Variants in TNIP1 observed in about 807,000 individuals in gnomAD.
TNIP1 encodes TNFAIP3 interacting protein 1, also known as TNFAIP3-interacting protein 1.
Under a neutral mutation model 86.6 loss-of-function variants are expected in TNIP1, and 22 were observed. The ratio of observed to expected loss-of-function variants is 0.25; its 90% confidence interval spans 0.18 to 0.36. The LOEUF is 0.36. TNIP1 is among the 10% of genes least tolerant of loss of function. The pLI is 1.00. For missense variants in TNIP1, 709 were observed against 820.6 expected, an observed-to-expected ratio of 0.86 and a Z score of 1.66; for synonymous variants, 294 against 313.0, an observed-to-expected ratio of 0.94 and a Z score of 0.64.
At chr5:151,059,828 A>AGAGAGAGAGAGAGT (rs1554076446) in intron 5 of TNIP1, among the ~76,000 whole-genome samples, 42 of 56,362 alleles carry the variant, frequency 7.5e-4, no homozygotes, top group Admixed American at 1.5e-3. Flanking sequence ...AGAGAGAGAG[A>AGAGAGAGAGAGAGT]GTGTGTGTGT....
intron 1 of TNIP1, among the ~76,000 whole-genome samples, chr5:151,072,630 T>A (rs1762941892): frequency 6.6e-6 from 1 of 152,202 alleles, no homozygotes; most frequent in African/African-American, 2.4e-5. Flanking sequence ...ATTTGGAACC[T>A]GCAGCCTTCT....
At chr5:151,046,869 TGGG>T (rs1740435504) in intron 8 of TNIP1, among the ~76,000 whole-genome samples, 1 of 152,100 alleles carries the variant, frequency 6.6e-6, no homozygotes, top group African/African-American at 2.4e-5. Flanking sequence ...AATAAATAAA[TGGG>T]GGAGAAGGGA....
At chr5:151,055,431 C>A (rs1039218396) in intron 6 of TNIP1, among the ~76,000 whole-genome samples, 1 of 152,166 alleles carries the variant, frequency 6.6e-6, no homozygotes, top group Admixed American at 6.5e-5. Flanking sequence ...CACCTTCCTA[C>A]CCTGCCCACA....
At chr5:151,081,594 A>T (rs1421933117), upstream of TNIP1, among the ~76,000 whole-genome samples, 3 of 152,226 alleles carry the variant, frequency 2.0e-5, no homozygotes, top group Admixed American at 6.5e-5. Context: ...GGATTCCCAG[A>T]CATCGTAAAC....
chr5:151,081,471 A>T (rs957026759), upstream of TNIP1, among the ~76,000 whole-genome samples: 2 of 152,200 alleles, frequency 1.3e-5, no homozygotes, highest in Non-Finnish European at 2.9e-5. Flanking sequence ...TCAGGCCCCC[A>T]GAGTTCCGTC....
At chr5:151,070,315 T>C (rs1175438107) in intron 1 of TNIP1, among the ~76,000 whole-genome samples, 1 of 152,220 alleles carries the variant, frequency 6.6e-6, no homozygotes, top group Non-Finnish European at 1.5e-5. Context: ...AGTAACTAGC[T>C]CAGCATTTGA....
intron 1 of TNIP1, among the ~76,000 whole-genome samples, chr5:151,076,313 G>A (rs1450706225): frequency 6.6e-6 from 1 of 152,202 alleles, no homozygotes; most frequent in Non-Finnish European, 1.5e-5. Flanking sequence ...CAGACGGCCA[G>A]GGATAGGAGG....
chr5:151,057,964 C>T (rs1008783438), intron 5 of TNIP1, among the ~76,000 whole-genome samples: 13 of 152,160 alleles, frequency 8.5e-5, no homozygotes, highest in African/African-American at 2.9e-4. Context: ...ACCACTCTCC[C>T]ATGTTTACCA....
chr5:151,057,190 C>T (rs952338816), intron 5 of TNIP1, among the ~76,000 whole-genome samples: 2 of 152,234 alleles, frequency 1.3e-5, no homozygotes, highest in Admixed American at 6.5e-5. Flanking sequence ...CACCATCCTC[C>T]CACACACTGG....
At chr5:151,033,122 C>T (rs1757122165) in intron 16 of TNIP1, among the ~76,000 whole-genome samples, 2 of 28,528 alleles carry the variant, frequency 7.0e-5, no homozygotes, top group African/African-American at 2.7e-4. Flanking sequence ...AGTGAAATTC[C>T]ATCTCAAAAA....
chr5:151,082,347 G>A (rs1488617017), upstream of TNIP1, among the ~76,000 whole-genome samples: 12 of 152,182 alleles, frequency 7.9e-5, no homozygotes. Flanking sequence ...GAGGGAGGGA[G>A]GAAGCGATGC....
chr5:151,040,528 G>A (rs370793670), intron 11 of TNIP1, among the ~76,000 whole-genome samples: 13 of 152,214 alleles, frequency 8.5e-5, no homozygotes, highest in Non-Finnish European at 1.2e-4. Flanking sequence ...GTCATGAAAC[G>A]TCCTACCTTC....
chr5:151,051,331 T>A (rs564900664), intron 7 of TNIP1, among the ~76,000 whole-genome samples: 4 of 152,166 alleles, frequency 2.6e-5, no homozygotes, highest in Non-Finnish European at 5.9e-5. Flanking sequence ...GCAAGTCCTG[T>A]CTGTGACACG....
At chr5:151,081,078 G>A (rs1474536379), upstream of TNIP1, 2 of 152,062 alleles carry the variant, frequency 1.3e-5, no homozygotes, top group Non-Finnish European at 2.9e-5. Context: ...GAAAGTCCCC[G>A]GAGACTGGCA....
chr5:151,059,866 T>TGTGTGTGTGC lies in TNIP1; in HGVS notation c.435+451_435+452insGCACACACAC, dbSNP rs142393672. On this transcript the variant is annotated intron_variant, in intron 5 of 17. Coordinates refer to ENST00000521591, the MANE Select transcript of TNIP1 (RefSeq NM_006058.5). ...GTGTGTGTGTGTGTGTGTGTGTGTG[T>TGTGTGTGTGC]GCGCGCGCGCGCGCGCATGCGTGTA... 6.3e-4 allele frequency among the ~76,000 whole-genome samples: 52 copies of TGTGTGTGTGC among 82,716 alleles called. 1 individual carries two copies. The highest frequency in any genetic ancestry group is 1.0e-3 in the Non-Finnish European group (44 of 43,610). 54.3% of individuals were successfully genotyped at this position (82,716 alleles called of 152,430 possible).
At chr5:151,068,227 G>A (rs1762463144) in intron 1 of TNIP1, among the ~76,000 whole-genome samples, 1 of 152,204 alleles carries the variant, frequency 6.6e-6, no homozygotes, top group Admixed American at 6.5e-5. Flanking sequence ...GACAAAGAGG[G>A]AAACAGGGAA....
intron 7 of TNIP1, among the ~76,000 whole-genome samples, chr5:151,050,631 T>C (rs943431076): frequency 4.6e-5 from 7 of 152,128 alleles, no homozygotes; most frequent in Non-Finnish European, 8.8e-5. Flanking sequence ...CTGACTAAAA[T>C]GTTTCTTCTT....
chr5:151,030,857 G>T, intron 17 of TNIP1, 110 bp from the exon 18 acceptor site: 1 of 920,374 alleles, frequency 1.1e-6, no homozygotes. Flanking sequence ...AGGGTTACTG[G>T]GTGCTACCAA....
intron 11 of TNIP1, among the ~76,000 whole-genome samples, chr5:151,041,529 A>T (rs1019492485): frequency 1.3e-5 from 2 of 152,028 alleles, no homozygotes; most frequent in African/African-American, 4.8e-5. Flanking sequence ...TGCCACACCC[A>T]GTGAATTTTT....
Sources: gnomAD v4.1 joint callset for allele counts (sites outside exome capture counted in the v4.1 genomes callset) on GRCh38, gnomAD v4.1.1 for gene constraint, MANE v1.5 for transcripts, NCBI Gene and HGNC (gene_info 2026-07-23, HGNC 2026-07-21) for gene names.